Variants in YWHAE observed in about 807,000 individuals in gnomAD.
YWHAE encodes tyrosine 3-monooxygenase/tryptophan 5-monooxygenase activation protein epsilon.
Under a neutral mutation model 30.1 loss-of-function variants are expected in YWHAE, and 4 were observed. That is an observed-to-expected ratio of 0.13 (90% confidence interval 0.07 to 0.30). The LOEUF (loss-of-function observed/expected upper bound fraction) is 0.30, where lower values mean the gene tolerates loss of function less well. YWHAE is among the 10% of genes least tolerant of loss of function. YWHAE has a pLI of 1.00. For synonymous variants in YWHAE, 118 were observed against 111.8 expected (o/e 1.06, Z -0.35); for missense variants, 121 against 315.9 (o/e 0.38, Z 4.68).
intron 2 of YWHAE, among the ~76,000 whole-genome samples, chr17:1,364,125 T>C (rs1404118372): frequency 2.6e-5 from 4 of 151,946 alleles, no homozygotes; most frequent in African/African-American, 9.7e-5. Flanking sequence ...ACATTTTATA[T>C]ATGTATATAC....
At chr17:1,381,771 G>A (rs542257261) in intron 1 of YWHAE, among the ~76,000 whole-genome samples, 110 of 151,890 alleles carry the variant, frequency 7.2e-4, no homozygotes, top group African/African-American at 2.6e-3. Context: ...ACAAAAATTG[G>A]CCAGGCCTGG....
rs1567966028 is a variant in YWHAE at position 1,364,866 on chromosome 17, C to T, written c.257G>A (p.Arg86Gln). ...EDKLKMIREY[R>Q]QMVETELKLI... is the part of the protein sequence containing the mutation. ...ATGGCACAACAATCTCACCATTTGC[C>T]GATATTCCCGAATCATTTTTAGCTT... is the stretch of plus-strand genomic sequence containing the variant. Residue 86 changes from arginine to glutamine, a missense_variant, in exon 2 of 6, where the codon CGG (arginine) becomes CAG (glutamine). Physicochemically the swap from Arg to Gln is conservative, Grantham distance 43. Around this residue, in one of 2 missense-constraint regions of YWHAE, gnomAD observed 99 missense variants for 289.3 expected, o/e 0.34. Coordinates refer to ENST00000264335, the MANE Select transcript of YWHAE (RefSeq NM_006761.5). The T allele has an allele frequency of 6.8e-6, 11 of 1,613,908 alleles. No individual in the cohort carries two copies. Among genetic ancestry groups the T allele is most frequent in the Non-Finnish European group, 7.6e-6 (9 of 1,179,864 alleles).
chr17:1,384,347 T>G (rs572810447), intron 1 of YWHAE, among the ~76,000 whole-genome samples: 5 of 151,744 alleles, frequency 3.3e-5, no homozygotes, highest in African/African-American at 1.2e-4. Flanking sequence ...GCACACCAGC[T>G]TGGGCAAGAG....
intron 1 of YWHAE, among the ~76,000 whole-genome samples, chr17:1,391,656 C>T (rs1203078870): frequency 6.6e-6 from 1 of 152,130 alleles, no homozygotes; most frequent in Non-Finnish European, 1.5e-5. Flanking sequence ...GCAACCAATT[C>T]GTCAATTTGG....
chr17:1,392,257 C>T (rs957934792), intron 1 of YWHAE, among the ~76,000 whole-genome samples: 6 of 152,058 alleles, frequency 3.9e-5, no homozygotes, highest in African/African-American at 1.4e-4. Context: ...CAGCTGTGGG[C>T]CCAGCTAAGT....
chr17:1,377,959 G>A (rs777203861), intron 1 of YWHAE, among the ~76,000 whole-genome samples: 26 of 152,192 alleles, frequency 1.7e-4, no homozygotes, highest in Non-Finnish European at 8.8e-5. Context: ...TGAGGCAGGA[G>A]AATTGCTTGA....
intron 4 of YWHAE, among the ~76,000 whole-genome samples, chr17:1,357,647 T>C (rs2072775556): frequency 6.6e-6 from 1 of 151,360 alleles, no homozygotes; most frequent in African/African-American, 2.4e-5. Context: ...TAAAATAGGC[T>C]GGGTGCAGTG....
At chr17:1,350,008 A>G (rs1341999915) in intron 5 of YWHAE, among the ~76,000 whole-genome samples, 1 of 149,296 alleles carries the variant, frequency 6.7e-6, no homozygotes, top group Admixed American at 6.7e-5. Flanking sequence ...GCTGGAGTGC[A>G]ACGGCGCGAT....
chr17:1,353,852 A>C (rs951626659), intron 5 of YWHAE, among the ~76,000 whole-genome samples: 1 of 152,182 alleles, frequency 6.6e-6, no homozygotes, highest in African/African-American at 2.4e-5. Flanking sequence ...CTTTTAGATA[A>C]AATATTTCAA....
At chr17:1,395,841 G>A (rs535295022) in intron 1 of YWHAE, among the ~76,000 whole-genome samples, 1 of 152,196 alleles carries the variant, frequency 6.6e-6, no homozygotes, top group South Asian at 2.1e-4. Flanking sequence ...AGCTCTCAGC[G>A]GGCTCAGTGG....
At chr17:1,347,395 G>C (rs185692941) in intron 5 of YWHAE, among the ~76,000 whole-genome samples, 15 of 151,682 alleles carry the variant, frequency 9.9e-5, no homozygotes, top group African/African-American at 3.6e-4. Flanking sequence ...AGCTACTTGG[G>C]GGGCTGAGGT....
intron 1 of YWHAE, among the ~76,000 whole-genome samples, chr17:1,381,446 T>C (rs1447775748): frequency 6.6e-6 from 1 of 151,088 alleles, no homozygotes; most frequent in South Asian, 2.1e-4. Context: ...GAGGTGGAGG[T>C]TGCAGTGAGC....
At chr17:1,355,132 A>C (rs71360486) in intron 4 of YWHAE, among the ~76,000 whole-genome samples, 1,770 of 106,478 alleles carry the variant, frequency 0.017, 24 homozygotes, top group Non-Finnish European at 0.024. Flanking sequence ...AAAAAAAAAA[A>C]AAAAAAAAAA....
intron 1 of YWHAE, among the ~76,000 whole-genome samples, chr17:1,373,541 G>A (rs1050771938): frequency 6.6e-6 from 1 of 151,880 alleles, no homozygotes; most frequent in Non-Finnish European, 1.5e-5. Context: ...GGTGGCGGGC[G>A]CCTGTAGTCC....
intron 5 of YWHAE, among the ~76,000 whole-genome samples, chr17:1,353,902 G>A (rs1313881928): frequency 1.3e-5 from 2 of 152,084 alleles, no homozygotes; most frequent in Non-Finnish European, 2.9e-5. Context: ...GATACCATCT[G>A]GATTTAAATA....
chr17:1,375,168 A>C (rs552128370), intron 1 of YWHAE, among the ~76,000 whole-genome samples: 1 of 152,338 alleles, frequency 6.6e-6, no homozygotes, highest in African/African-American at 2.4e-5. Flanking sequence ...GTTTGTACAA[A>C]TAACGACTAC....
rs1386985027 is a variant in YWHAE at position 1,356,357 on chromosome 17, C to CA, written c.579-2011dup. Among the ~76,000 whole-genome samples, 3 of 151,914 alleles carry CA rather than the reference C, an allele frequency of 2.0e-5. No homozygotes were observed. The East Asian group carries it at 5.8e-4, about 29-fold the overall frequency. ...GCACTCCAGCCTGGGCAAGAGAGCACAAAAACAAAAGAAGAAGAAGAATGA... is the reference window on the plus strand; with the variant it reads ...GCACTCCAGCCTGGGCAAGAGAGCACAAAAAACAAAAGAAGAAGAAGAATGA... On this transcript the variant is annotated intron_variant, in intron 4 of 5. Transcript: ENST00000264335.
At chr17:1,394,455 A>AAAAAAAC (rs2073435775) in intron 1 of YWHAE, among the ~76,000 whole-genome samples, 1 of 149,226 alleles carries the variant, frequency 6.7e-6, no homozygotes, top group African/African-American at 2.5e-5. Context: ...AAAAAAAAAA[A>AAAAAAAC]AAAAAACACA....
chr17:1,345,614 T>C (rs1427584277), intron 5 of YWHAE, 115 bp from the exon 6 acceptor site: 2 of 1,106,552 alleles, frequency 1.8e-6, no homozygotes, highest in Admixed American at 1.9e-5. Context: ...ACAATTGGTA[T>C]TAAACGCAGG....
Sources: allele counts gnomAD v4.1 joint callset (sites outside exome capture counted in the v4.1 genomes callset), GRCh38; gene constraint gnomAD v4.1.1; regional missense constraint gnomAD v4.1.1; transcripts MANE v1.5; gene names NCBI Gene and HGNC (gene_info 2026-07-23, HGNC 2026-07-21).